The following WDR46 variants were observed in gnomAD, a reference collection of about 807,000 sequenced individuals.
The protein encoded by WDR46 is WD repeat domain 46.
In WDR46, 58 loss-of-function variants were observed where a neutral mutation model predicts 74.7. That is an observed-to-expected ratio of 0.78 (90% confidence interval 0.63 to 0.97). WDR46 has a LOEUF of 0.97. Ranked by LOEUF, WDR46 falls within the 50% of genes least tolerant of loss-of-function variation. WDR46 has a pLI of 0.00. For synonymous variants in WDR46, 278 were observed against 297.3 expected, an observed-to-expected ratio of 0.93 and a Z score of 0.67; for missense variants, 702 against 790.1, an observed-to-expected ratio of 0.89 and a Z score of 1.34.
At chr6:33,288,318 A>AT in intron 4 of WDR46, 40 bp downstream of exon 4, 2 of 1,613,400 alleles carry the variant, frequency 1.2e-6, no homozygotes, top group Non-Finnish European at 1.7e-6. Context: ...AGACAGTCCC[A>AT]AAAGGCAGGG....
In WDR46 at chr6:33,280,758, G is replaced by A; in HGVS notation, c.1345C>T (p.Pro449Ser). 1.9e-6 allele frequency: 3 copies of A among 1,613,760 alleles called. No individual in the cohort carries two copies. Among genetic ancestry groups the A allele is most frequent in the Non-Finnish European group, 2.5e-6 (3 of 1,179,786 alleles). Residue 449 changes from proline (P) to serine (S), a missense_variant, in exon 11 of 15, where the codon CCT becomes TCT. Physicochemically the swap from Pro to Ser is moderately conservative, Grantham distance 74. Coordinates refer to ENST00000374617, the MANE Select transcript of WDR46 (RefSeq NM_005452.6). Reference sequence around the variant, plus strand: ...GGGCAGAACTGAAGGCCATGCACAGGGCCTGAGAGCCGGTGGGTGAGGTAG... The same window carrying A: ...GGGCAGAACTGAAGGCCATGCACAGAGCCTGAGAGCCGGTGGGTGAGGTAG... ...QPYLTHRLSGPVHGLQFCPFE... is the reference protein window; with the variant it reads ...QPYLTHRLSGSVHGLQFCPFE...
chr6:33,286,779 C>T lies in WDR46; in HGVS notation c.1115+16G>A. 1 of 1,613,116 alleles carries T rather than the reference C, an allele frequency of 6.2e-7. No individual in the cohort carries two copies. ...CCACCTATGACTCCTAACACCTCAC[C>T]CCACCAGTGACTTACGTGCCTGTAG... On this transcript the variant is annotated intron_variant, in intron 10 of 14. Coordinates refer to ENST00000374617, the MANE Select transcript of WDR46 (RefSeq NM_005452.6).
chr6:33,285,617 A>C, intron 10 of WDR46, among the ~76,000 whole-genome samples: 1 of 151,678 alleles, frequency 6.6e-6, no homozygotes, highest in Non-Finnish European at 1.5e-5. Context: ...CCTGCCTCCC[A>C]GGTTCAAGCA....
rs752198390 is a variant in WDR46 at position 33,279,233 on chromosome 6, G to T, written c.*43C>A. 6.2e-7 allele frequency: 1 copy of T among 1,611,232 alleles called. No homozygotes were observed. The highest frequency in any genetic ancestry group is 8.5e-7 in the Non-Finnish European group (1 of 1,178,060). ...AGGGAACACTCATTTCCCTACAGGT[G>T]ATCTTGGGGAGAGACTGTTCCCAGG... On this transcript the variant is annotated 3_prime_UTR_variant, in exon 15 of 15. Coordinates refer to ENST00000374617, the MANE Select transcript of WDR46 (RefSeq NM_005452.6).
intron 10 of WDR46, among the ~76,000 whole-genome samples, chr6:33,281,954 C>T (rs1488787644): frequency 4.6e-5 from 7 of 152,230 alleles, no homozygotes; most frequent in Non-Finnish European, 1.0e-4. Context: ...GTGCCTCAGC[C>T]TCCCAAGTAG....
intron 10 of WDR46, chr6:33,284,787 A>C (rs972274835): frequency 2.6e-5 from 4 of 153,202 alleles, no homozygotes; most frequent in Non-Finnish European, 4.4e-5. Flanking sequence ...AAACCGTATG[A>C]AATTCAAATT....
intron 10 of WDR46, among the ~76,000 whole-genome samples, chr6:33,281,769 G>A (rs1359345850): frequency 6.6e-6 from 1 of 152,232 alleles, no homozygotes; most frequent in African/African-American, 2.4e-5. Context: ...AGGAAGGAGG[G>A]AAGGTTGGTG....
At chr6:33,284,919 T>G (rs1360976367) in intron 10 of WDR46, 1 of 153,842 alleles carries the variant, frequency 6.5e-6, no homozygotes, top group Admixed American at 6.5e-5. Context: ...CATCCTGATT[T>G]GCACTGCTGC....
In WDR46 at chr6:33,280,419, G is replaced by C. The variant is rs72655908; in HGVS notation, c.1524+9C>G. On this transcript the variant is annotated intron_variant, in intron 12 of 14. Transcript: ENST00000374617. Reference sequence around the variant, plus strand: ...GGGGATCTCACCCTCTCCAGCAGGGGAGCCTCACCTTCTCTAGCAGGGCCT... The same window carrying C: ...GGGGATCTCACCCTCTCCAGCAGGGCAGCCTCACCTTCTCTAGCAGGGCCT... The C allele has an allele frequency of 0.023, 35,649 of 1,563,824 alleles. 1,287 individuals are homozygous for C. Among genetic ancestry groups the C allele is most frequent in the African/African-American group, 0.16 (11,720 of 73,836 alleles).
chr6:33,287,256 A>C, intron 8 of WDR46, 30 bp from the exon 9 acceptor site: 1 of 1,613,266 alleles, frequency 6.2e-7, no homozygotes, highest in Non-Finnish European at 8.5e-7. Context: ...AGAATGACCC[A>C]GTCCTGATTG....
In WDR46 at chr6:33,288,190, C is replaced by T. The variant is rs1385534648; in HGVS notation, c.519G>A (p.Gln173=). 2.5e-6 allele frequency: 4 copies of T among 1,614,108 alleles called. No individual in the cohort carries two copies. The highest frequency in any genetic ancestry group is 3.4e-6 in the Non-Finnish European group (4 of 1,180,054). The change falls in exon 5 of 15, where the codon CAG becomes CAA. Residue 173 remains glutamine (Q), a synonymous_variant. Coordinates refer to ENST00000374617, the MANE Select transcript of WDR46 (RefSeq NM_005452.6). ...EDGEDTAKIC[Q]ADIVEAVDIA... ...TGTCCACAGCCTCCACAATGTCAGC[C>T]TGGCATATCTTTGCTGTGTCTTCCC... is the stretch of plus-strand genomic sequence containing the variant.
Position 33,287,140 on chromosome 6 carries a change from A to G in WDR46, c.966T>C (p.Val322=), listed in dbSNP as rs375694480. The change falls in exon 9 of 15, where the codon GTT becomes GTC. Residue 322 remains valine, a synonymous_variant. Transcript: ENST00000374617. ...ALNARAGRLD[V]MSQNPYNAVI... ...CGGCATTGTAAGGGTTCTGACTCAT[A>G]ACATCGAGCCGCCCAGCTCGAGCAT... 21 of 1,613,842 alleles carry G rather than the reference A, an allele frequency of 1.3e-5. No individual in the cohort carries two copies. The African/African-American group carries it at 2.8e-4, about 22-fold the overall frequency.
chr6:33,288,553 A>T, intron 3 of WDR46, 61 bp downstream of exon 3: 1 of 1,609,550 alleles, frequency 6.2e-7, no homozygotes, highest in Non-Finnish European at 8.5e-7. Flanking sequence ...CCCAGCCTCC[A>T]TCCAACTCAC....
chr6:33,283,541 G>A (rs879107280), intron 10 of WDR46, among the ~76,000 whole-genome samples: 6 of 152,154 alleles, frequency 3.9e-5, no homozygotes, highest in Admixed American at 2.0e-4. Flanking sequence ...TTTAGGAGGC[G>A]GTGACCTATC....
intron 10 of WDR46, among the ~76,000 whole-genome samples, chr6:33,282,521 A>C (rs1377895651): frequency 6.6e-6 from 1 of 152,210 alleles, no homozygotes; most frequent in Non-Finnish European, 1.5e-5. Flanking sequence ...ACTACTAGTA[A>C]GCAGCAGTTC....
In WDR46 at chr6:33,286,867, A is replaced by C. The variant is rs1450622602; in HGVS notation, c.1043T>G (p.Met348Arg). 1 of 1,614,168 alleles carries C rather than the reference A, an allele frequency of 6.2e-7. No homozygotes were observed. The highest frequency in any genetic ancestry group is 1.1e-5 in the South Asian group (1 of 91,084). ...GAGAATCTTTGCCAGTGGCTCCTTCATAGCTGGACTCCATAAAGACACAGT... is the reference window on the plus strand; with the variant it reads ...GAGAATCTTTGCCAGTGGCTCCTTCCTAGCTGGACTCCATAAAGACACAGT... Reference protein sequence around the residue: ...NGTVSLWSPAMKEPLAKILCH... With the variant: ...NGTVSLWSPARKEPLAKILCH... Residue 348 changes from methionine to arginine, a missense_variant, in exon 10 of 15, where the codon ATG becomes AGG. By Grantham distance (91) the Met-to-Arg change is moderately conservative. Coordinates refer to ENST00000374617, the MANE Select transcript of WDR46 (RefSeq NM_005452.6).
At position 33,289,213 on chromosome 6, in the gene WDR46, G is replaced by A. The variant is rs1581695065; in HGVS notation, c.-43C>T. ...CGATCCACGTGCAAAACTCCTCTCA[G>A]CTGCCACACAGTCGGCTTGAAAACT... On this transcript the variant is annotated 5_prime_UTR_variant, in exon 1 of 15. Coordinates refer to ENST00000374617, the MANE Select transcript of WDR46 (RefSeq NM_005452.6). 1 of 1,586,074 alleles carries A rather than the reference G, an allele frequency of 6.3e-7. No individual in the cohort carries two copies. Among genetic ancestry groups the A allele is most frequent in the Non-Finnish European group, 8.6e-7 (1 of 1,167,136 alleles).
rs539972591 is a variant in WDR46 at position 33,288,932 on chromosome 6, G to C, written c.151C>G (p.Arg51Gly). 1.1e-5 allele frequency: 17 copies of C among 1,614,116 alleles called. No individual in the cohort carries two copies. The African/African-American group carries it at 1.9e-4, about 18-fold the overall frequency. ...TTTGGTCTCTGAGGACGGAGCTCCC[G>C]ATTCTTCTTGTTACGAGGAGGCCCT... ...SPGPPRNKKN[R>G]ELRPQRPKNA... The change falls in exon 2 of 15, where the codon CGG becomes GGG. Residue 51 changes from arginine to glycine, a missense_variant. By Grantham distance (125) the Arg-to-Gly change is moderately radical. Coordinates refer to ENST00000374617, the MANE Select transcript of WDR46 (RefSeq NM_005452.6).
Position 33,288,720 on chromosome 6 carries a change from C to G in WDR46, c.280-26G>C, listed in dbSNP as rs781124039. 6.8e-6 allele frequency: 11 copies of G among 1,612,828 alleles called. No homozygotes were observed. In the Admixed American group the frequency reaches 1.8e-4, roughly 27 times the overall value. The stretch of plus-strand genomic sequence containing the variant: ...CTAGGGGAAAGGAGGACGCAATTAG[C>G]AGACAGCCTTGGATTGACCCCAACC... On this transcript the variant is annotated intron_variant, in intron 2 of 14. Transcript: ENST00000374617.
Sources: allele counts gnomAD v4.1 joint callset (sites outside exome capture counted in the v4.1 genomes callset), GRCh38; gene constraint gnomAD v4.1.1; transcripts MANE v1.5; gene names NCBI Gene and HGNC (gene_info 2026-07-23, HGNC 2026-07-21).